DIP2B: variants seen among roughly 807,000 people sequenced by gnomAD.
DIP2B encodes DIP2 acetate--CoA ligase B (putative).
DIP2B carries 76 observed loss-of-function variants against 198.0 expected under a neutral mutation model. The ratio of observed to expected loss-of-function variants is 0.38; its 90% CI spans 0.32 to 0.46. DIP2B has a LOEUF of 0.46. Ranked by LOEUF, DIP2B falls within the 20% of genes least tolerant of loss-of-function variation. DIP2B has a pLI of 0.99. For missense variants in DIP2B, 1,559 were observed against 1,978.4 expected, an observed-to-expected ratio of 0.79 and a Z score of 4.02; for synonymous variants, 701 against 739.1, an observed-to-expected ratio of 0.95 and a Z score of 0.84.
intron 12 of DIP2B, among the ~76,000 whole-genome samples, chr12:50,689,960 A>G (rs1939193512): frequency 6.6e-6 from 1 of 152,188 alleles, no homozygotes; most frequent in African/African-American, 2.4e-5. Flanking sequence ...TTTTGATATA[A>G]CAATCAAAAA....
intron 8 of DIP2B, 130 bp downstream of exon 8, chr12:50,679,006 G>A: frequency 9.3e-7 from 1 of 1,070,696 alleles, no homozygotes; most frequent in Non-Finnish European, 1.3e-6. Context: ...AATTTAAAAG[G>A]ATCCTAAGCT....
At chr12:50,715,893 T>C (rs971344194) in intron 23 of DIP2B, among the ~76,000 whole-genome samples, 4 of 152,164 alleles carry the variant, frequency 2.6e-5, no homozygotes, top group African/African-American at 9.6e-5. Flanking sequence ...CCATAAGACG[T>C]TTACAGAATT....
chr12:50,648,237 A>G (rs1346773958), intron 3 of DIP2B, among the ~76,000 whole-genome samples: 2 of 152,244 alleles, frequency 1.3e-5, no homozygotes, highest in Admixed American at 1.3e-4. Context: ...TGTTATCCTT[A>G]TCTTGGTGGT....
chr12:50,617,790 CAGAG>C (rs1275738958), intron 1 of DIP2B, among the ~76,000 whole-genome samples: 1 of 152,076 alleles, frequency 6.6e-6, no homozygotes, highest in Non-Finnish European at 1.5e-5. Context: ...ACCTGGGCAA[CAGAG>C]AGAGACTCCA....
At chr12:50,631,917 A>G (rs1938062933) in intron 2 of DIP2B, among the ~76,000 whole-genome samples, 1 of 152,134 alleles carries the variant, frequency 6.6e-6, no homozygotes, top group South Asian at 2.1e-4. Flanking sequence ...TTCCATGTCA[A>G]AAGAAGAGAT....
intron 1 of DIP2B, among the ~76,000 whole-genome samples, chr12:50,510,856 G>C (rs1466532497): frequency 6.6e-6 from 1 of 151,782 alleles, no homozygotes; most frequent in Non-Finnish European, 1.5e-5. Context: ...TGTTGGTCAG[G>C]CTGGTCTTGA....
rs185831510 is a variant in DIP2B, at chr12:50,732,615, G to T, written c.3981+79G>T. On this transcript the variant is annotated intron_variant, in intron 32 of 37. Coordinates refer to ENST00000301180, the MANE Select transcript of DIP2B (RefSeq NM_173602.3). ...CCCAGAGCATGGGCTTTGGAGCCAG[G>T]CTGCCTGGGCTTGGGCCCCAGCCGC... is the stretch of plus-strand genomic sequence containing the variant. 2,441 of 1,557,730 alleles carry T rather than the reference G, an allele frequency of 1.6e-3. 8 individuals carry two copies. Among genetic ancestry groups the T allele is most frequent in the Middle Eastern group, 4.8e-3 (28 of 5,876 alleles).
intron 3 of DIP2B, among the ~76,000 whole-genome samples, chr12:50,658,317 A>G (rs1039386699): frequency 6.6e-6 from 1 of 151,930 alleles, no homozygotes; most frequent in Non-Finnish European, 1.5e-5. Flanking sequence ...CTGTATTTTT[A>G]GTAGAGACAG....
At chr12:50,659,851 T>C (rs1315498468) in intron 3 of DIP2B, among the ~76,000 whole-genome samples, 1 of 152,144 alleles carries the variant, frequency 6.6e-6, no homozygotes, top group Non-Finnish European at 1.5e-5. Flanking sequence ...TCATTCCATT[T>C]GAGGCAGAAT....
chr12:50,527,687 G>A (rs1958179159), intron 1 of DIP2B, among the ~76,000 whole-genome samples: 1 of 152,096 alleles, frequency 6.6e-6, no homozygotes, highest in South Asian at 2.1e-4. Context: ...TCTAGGCTGG[G>A]CGAAAGAGCA....
chr12:50,673,079 C>T (rs534185062), intron 5 of DIP2B, among the ~76,000 whole-genome samples: 10 of 152,066 alleles, frequency 6.6e-5, no homozygotes, highest in Admixed American at 1.3e-4. Context: ...ATTTCCTTAG[C>T]GTATATTCCT....
intron 22 of DIP2B, among the ~76,000 whole-genome samples, chr12:50,712,168 T>TCATA (rs1056892674): frequency 3.3e-5 from 5 of 152,058 alleles, no homozygotes; most frequent in Non-Finnish European, 5.9e-5. Flanking sequence ...ACCCTGTCAT[T>TCATA]CATACATACA....
At chr12:50,698,593 A>C in intron 18 of DIP2B, 126 bp downstream of exon 18, 54 of 1,172,096 alleles carry the variant, frequency 4.6e-5, no homozygotes, top group Non-Finnish European at 5.2e-5. Context: ...TTAATTTCTC[A>C]GAGCCTCTCT....
At chr12:50,599,346 T>G (rs1031636318) in intron 1 of DIP2B, among the ~76,000 whole-genome samples, 3 of 151,160 alleles carry the variant, frequency 2.0e-5, no homozygotes, top group Non-Finnish European at 4.4e-5. Context: ...CTGAGCACGG[T>G]GGCTCACGCC....
chr12:50,537,584 C>CAATAGGCAGTTA (rs1958282259), intron 1 of DIP2B, among the ~76,000 whole-genome samples: 1 of 152,032 alleles, frequency 6.6e-6, no homozygotes, highest in Non-Finnish European at 1.5e-5. Context: ...AGTGGCTGTT[C>CAATAGGCAGTTA]AATAGGCAGT....
chr12:50,623,393 A>G (rs1937853005), intron 1 of DIP2B, among the ~76,000 whole-genome samples: 1 of 52,722 alleles, frequency 1.9e-5, no homozygotes, highest in Non-Finnish European at 4.3e-5. Context: ...ATATGTATCT[A>G]CACACACACA....
chr12:50,653,606 T>C (rs1306434973), intron 3 of DIP2B, among the ~76,000 whole-genome samples: 1 of 152,040 alleles, frequency 6.6e-6, no homozygotes, highest in Admixed American at 6.5e-5. Flanking sequence ...CCTCCCAAAG[T>C]GCTGAGATTA....
At chr12:50,550,787 A>G (rs1022603572) in intron 1 of DIP2B, among the ~76,000 whole-genome samples, 1 of 152,208 alleles carries the variant, frequency 6.6e-6, no homozygotes, top group Non-Finnish European at 1.5e-5. Flanking sequence ...TTGTTCTTCT[A>G]GGAATTCCAT....
intron 1 of DIP2B, among the ~76,000 whole-genome samples, chr12:50,620,590 G>A (rs1937792610): frequency 6.6e-6 from 1 of 152,132 alleles, no homozygotes; most frequent in South Asian, 2.1e-4. Flanking sequence ...GACAAAAGAC[G>A]TTACTCTAGT....
Sources: allele counts gnomAD v4.1 joint callset (sites outside exome capture counted in the v4.1 genomes callset), GRCh38; gene constraint gnomAD v4.1.1; transcripts MANE v1.5; gene names NCBI Gene and HGNC (gene_info 2026-07-23, HGNC 2026-07-21).